Variants in KAZN observed in about 807,000 individuals in gnomAD.
The protein encoded by KAZN is kazrin, periplakin interacting protein, also known as kazrin.
In KAZN, 40 loss-of-function variants were observed where a neutral mutation model predicts 87.4. The observed-to-expected ratio is 0.46, with a 90% CI of 0.36 to 0.60. The LOEUF is 0.60. Among genes scored for constraint, KAZN ranks in the 20% least tolerant of loss-of-function variants. KAZN has a pLI of 0.00. For missense variants in KAZN, 898 were observed against 1,073.9 expected, an observed-to-expected ratio of 0.84 and a Z score of 2.29; for synonymous variants, 466 against 458.3, an observed-to-expected ratio of 1.02 and a Z score of -0.22.
At chr1:13,984,707 G>A (rs1321000434) in intron 1 of KAZN, among the ~76,000 whole-genome samples, 1 of 152,160 alleles carries the variant, frequency 6.6e-6, no homozygotes, top group Non-Finnish European at 1.5e-5. Flanking sequence ...GACTGAGTTT[G>A]TCTTATTTAT....
intron 2 of KAZN, among the ~76,000 whole-genome samples, chr1:14,356,879 T>G (rs966296624): frequency 1.3e-5 from 2 of 152,186 alleles, no homozygotes; most frequent in Non-Finnish European, 2.9e-5. Flanking sequence ...AGCTTTGTTC[T>G]TTTTGCTTAG....
At chr1:14,458,781 C>T (rs1052664421) in intron 2 of KAZN, among the ~76,000 whole-genome samples, 5 of 152,148 alleles carry the variant, frequency 3.3e-5, no homozygotes, top group East Asian at 1.9e-4. Flanking sequence ...ACTCCGTGCC[C>T]ATGATGGGAT....
rs182959459 is a variant in KAZN at position 14,465,315 on chromosome 1, C to T, written c.250-133668C>T. 3.0e-3 allele frequency among the ~76,000 whole-genome samples: 432 copies of T among 144,154 alleles called. 2 individuals carry two copies. The highest frequency in any genetic ancestry group is 0.011 in the African/African-American group (415 of 39,084). 94.6% of individuals were successfully genotyped at this position (144,154 alleles called of 152,430 possible). ...TTGGGAGGCTGAGGCAGGAGAATGG[C>T]GTGAACCCGGGAGGTGGAGCTGGCA... On this transcript the variant is annotated intron_variant, in intron 2 of 16. Transcript: ENST00000636203.
chr1:14,285,959 G>T (rs1001670010), intron 2 of KAZN, among the ~76,000 whole-genome samples: 8 of 152,272 alleles, frequency 5.3e-5, no homozygotes, highest in Non-Finnish European at 1.0e-4. Flanking sequence ...TAAGACTAAA[G>T]ACGCCATATC....
intron 1 of KAZN, among the ~76,000 whole-genome samples, chr1:14,078,980 C>T (rs1298996239): frequency 6.6e-6 from 1 of 152,226 alleles, no homozygotes; most frequent in East Asian, 1.9e-4. Context: ...GCCACCGTGC[C>T]CGGCCTCTGG....
chr1:14,920,977 G>A (rs940905705), intron 1 of KAZN, among the ~76,000 whole-genome samples: 1 of 152,114 alleles, frequency 6.6e-6, no homozygotes, highest in East Asian at 1.9e-4. Context: ...AGACAGATGG[G>A]TTTCTGATAG....
At chr1:14,276,042 A>G (rs1355687228) in intron 2 of KAZN, among the ~76,000 whole-genome samples, 2 of 152,164 alleles carry the variant, frequency 1.3e-5, no homozygotes, top group African/African-American at 4.8e-5. Context: ...CACAAACACA[A>G]GATGGGGACC....
intron 2 of KAZN, among the ~76,000 whole-genome samples, chr1:14,379,450 A>G (rs1353661248): frequency 6.6e-6 from 1 of 151,918 alleles, no homozygotes; most frequent in Non-Finnish European, 1.5e-5. Flanking sequence ...AGGGTCCCTG[A>G]TTTCAGGCCT....
rs1051056304 is a variant in KAZN, at chr1:14,693,780, G to A, written c.226+94557G>A. Among the ~76,000 whole-genome samples, 7 of 152,134 alleles carry A rather than the reference G, an allele frequency of 4.6e-5. No homozygotes were observed. In the East Asian group the frequency reaches 7.7e-4, roughly 17 times the overall value. On this transcript the variant is annotated intron_variant, in intron 1 of 14. Coordinates refer to ENST00000376030, the MANE Select transcript of KAZN (RefSeq NM_201628.3). ...GTCTGGAAGTATGTTTCAGGGAAGG[G>A]ACCAGATATGTATTTCAAGGTTCAG... is the stretch of plus-strand genomic sequence containing the variant.
intron 2 of KAZN, among the ~76,000 whole-genome samples, chr1:14,558,745 G>T (rs1051510399): frequency 1.3e-5 from 2 of 152,108 alleles, no homozygotes; most frequent in Admixed American, 6.5e-5. Flanking sequence ...GCTTTGATCC[G>T]CAGTTGTCTG....
At chr1:14,391,997 TAGCTGTGAAC>T (rs1432171228) in intron 2 of KAZN, among the ~76,000 whole-genome samples, 1 of 152,190 alleles carries the variant, frequency 6.6e-6, no homozygotes, top group African/African-American at 2.4e-5. Context: ...CATGACTGGA[TAGCTGTGAAC>T]TCTGGCATCC....
chr1:14,413,462 T>C (rs928386852), intron 2 of KAZN, among the ~76,000 whole-genome samples: 7 of 151,440 alleles, frequency 4.6e-5, no homozygotes, highest in Middle Eastern at 3.5e-3. Context: ...TGGTGGCGGG[T>C]GCCTGTAGTC....
At chr1:14,828,063 C>G (rs1201070600) in intron 1 of KAZN, among the ~76,000 whole-genome samples, 1 of 152,238 alleles carries the variant, frequency 6.6e-6, no homozygotes, top group African/African-American at 2.4e-5. Context: ...CTCAGCCCTC[C>G]CCTGCCTGTG....
At chr1:14,667,088 T>C (rs1303055172) in intron 1 of KAZN, among the ~76,000 whole-genome samples, 1 of 152,226 alleles carries the variant, frequency 6.6e-6, no homozygotes, top group Non-Finnish European at 1.5e-5. Flanking sequence ...ACTAATCCCA[T>C]CTGCGAAGAT....
chr1:14,455,728 G>A (rs1265707949), intron 2 of KAZN, among the ~76,000 whole-genome samples: 3 of 152,126 alleles, frequency 2.0e-5, no homozygotes, highest in Middle Eastern at 3.2e-3. Flanking sequence ...TCAGAAATAA[G>A]CTTGCCACTC....
intron 2 of KAZN, among the ~76,000 whole-genome samples, chr1:14,277,804 C>T (rs927771790): frequency 1.3e-5 from 2 of 152,072 alleles, no homozygotes; most frequent in Admixed American, 1.3e-4. Flanking sequence ...TATTTTGGAG[C>T]AATTCCTGGA....
intron 2 of KAZN, among the ~76,000 whole-genome samples, chr1:14,283,838 C>T (rs550721116): frequency 7.9e-5 from 12 of 152,108 alleles, no homozygotes; most frequent in South Asian, 2.1e-4. Context: ...TTATAGGCAA[C>T]GAGTGGAAAC....
At chr1:15,085,946 A>G (rs1271803617) in intron 8 of KAZN, among the ~76,000 whole-genome samples, 2 of 152,190 alleles carry the variant, frequency 1.3e-5, no homozygotes, top group Admixed American at 6.5e-5. Flanking sequence ...CCACATTGCA[A>G]TGAAACTTCA....
chr1:14,414,315 AG>A (rs1344378273), intron 2 of KAZN, among the ~76,000 whole-genome samples: 1 of 149,996 alleles, frequency 6.7e-6, no homozygotes, highest in African/African-American at 2.4e-5. Flanking sequence ...AAAGCCAAAG[AG>A]TATTTACTGC....
Sources: gnomAD v4.1 joint callset for allele counts (sites outside exome capture counted in the v4.1 genomes callset) on GRCh38, gnomAD v4.1.1 for gene constraint, MANE v1.5 for transcripts, NCBI Gene and HGNC (gene_info 2026-07-23, HGNC 2026-07-21) for gene names.